The following PDE1C variants were observed in gnomAD, a reference collection of about 807,000 sequenced individuals.
PDE1C encodes the protein dual specificity calcium/calmodulin-dependent 3',5'-cyclic nucleotide phosphodiesterase 1C.
Under a neutral mutation model 93.1 loss-of-function variants are expected in PDE1C, and 62 were observed. The observed-to-expected ratio is 0.67, with a 90% CI of 0.54 to 0.82. The LOEUF (loss-of-function observed/expected upper bound fraction) is 0.82. PDE1C is among the 40% of genes least tolerant of loss of function. The pLI, the probability that PDE1C is intolerant of heterozygous loss-of-function variation, is 0.00. For missense variants in PDE1C, 742 were observed against 884.6 expected (o/e 0.84, Z 2.04); for synonymous variants, 325 against 310.1 (o/e 1.05, Z -0.50).
chr7:31,926,778 A>G lies in PDE1C; in HGVS notation c.129-45918T>C, dbSNP rs531192320. ...CCAGCCCAGATGCTATGCTTTTCCC[A>G]TGGCTTTTGCAACGGCAGACCAGGA... On this transcript the variant is annotated intron_variant, in intron 2 of 17. Coordinates refer to ENST00000396191, the MANE Select transcript of PDE1C (RefSeq NM_001191057.4). Among the ~76,000 whole-genome samples the G allele has an allele frequency of 2.6e-5, 4 of 152,226 alleles. No individual in the cohort carries two copies. The South Asian group carries it at 8.3e-4, about 32-fold the overall frequency.
intron 2 of PDE1C, among the ~76,000 whole-genome samples, chr7:31,886,850 T>TA (rs1797977036): frequency 1.3e-5 from 2 of 151,918 alleles, no homozygotes; most frequent in Admixed American, 6.5e-5. Flanking sequence ...TTTTCGGATC[T>TA]TTTCAGAATA....
intron 2 of PDE1C, among the ~76,000 whole-genome samples, chr7:32,028,229 C>A (rs1789757227): frequency 6.6e-6 from 1 of 152,154 alleles, no homozygotes; most frequent in Admixed American, 6.6e-5. Context: ...TCCAAGGGCT[C>A]AAGAGCCACA....
intron 3 of PDE1C, among the ~76,000 whole-genome samples, chr7:32,131,034 C>T (rs11763324): frequency 0.19 from 28,933 of 151,984 alleles, 3,337 homozygotes; most frequent in South Asian, 0.26. Flanking sequence ...CTATGTGAAT[C>T]GAGACTGACA....
intron 16 of PDE1C, among the ~76,000 whole-genome samples, chr7:31,794,089 C>CAGACAGATAGATAGATAGATAGATAGAT (rs1562808129): frequency 7.3e-6 from 1 of 136,078 alleles, no homozygotes; most frequent in African/African-American, 3.0e-5. Context: ...GACAGACAGA[C>CAGACAGATAGATAGATAGATAGATAGAT]AGATAGATAG....
At chr7:32,103,230 G>A (rs1277933911) in intron 3 of PDE1C, among the ~76,000 whole-genome samples, 1 of 152,148 alleles carries the variant, frequency 6.6e-6, no homozygotes, top group Non-Finnish European at 1.5e-5. Flanking sequence ...AAAGGGAGGG[G>A]AGAAGGTAAA....
rs1289015965 is a variant in PDE1C, at chr7:32,313,331, G to A, written c.311-103792C>T. ...GGACTGTAAACTAGTTCAACCATGT[G>A]GAAGTCAGTGTGGCAATTCCTCAGG... On this transcript the variant is annotated intron_variant, in intron 1 of 1. Coordinates refer to the PDE1C transcript ENST00000672256. Among the ~76,000 whole-genome samples, 3 of 150,282 alleles carry A rather than the reference G, an allele frequency of 2.0e-5. No individual in the cohort carries two copies. In the East Asian group the frequency reaches 6.0e-4, roughly 30 times the overall value.
intron 3 of PDE1C, among the ~76,000 whole-genome samples, chr7:32,120,655 T>C (rs962156532): frequency 6.6e-6 from 1 of 151,710 alleles, no homozygotes; most frequent in Non-Finnish European, 1.5e-5. Flanking sequence ...AACCTGACCA[T>C]TGAAAGAAAA....
At chr7:31,685,548 A>G in the PDE1C span, among the ~76,000 whole-genome samples, 2 of 152,188 alleles carry the variant, frequency 1.3e-5, no homozygotes, top group Non-Finnish European at 1.5e-5. Context: ...GTGTGGACTG[A>G]AGATGCTGCT....
the PDE1C span, among the ~76,000 whole-genome samples, chr7:31,674,979 C>T: frequency 6.6e-6 from 1 of 152,200 alleles, no homozygotes; most frequent in Admixed American, 6.5e-5. Context: ...TTTAGGTATA[C>T]TCACATGGGA....
At chr7:32,298,473 C>G (rs991241954) in intron 1 of PDE1C, among the ~76,000 whole-genome samples, 10 of 152,132 alleles carry the variant, frequency 6.6e-5, no homozygotes, top group African/African-American at 2.4e-4. Context: ...GGGGACAGCC[C>G]AGGGTGCGGC....
intron 3 of PDE1C, among the ~76,000 whole-genome samples, chr7:32,147,297 A>AAAGAAAGAAAGAAAGAAAGAAAG (rs2128786361): frequency 7.2e-6 from 1 of 138,638 alleles, no homozygotes; most frequent in Admixed American, 7.1e-5. Flanking sequence ...AGAAAGAAAG[A>AAAGAAAGAAAGAAAGAAAGAAAG]AAGAAAGAAA....
chr7:31,841,492 T>C (rs1345639512), intron 9 of PDE1C, among the ~76,000 whole-genome samples: 1 of 152,130 alleles, frequency 6.6e-6, no homozygotes, highest in African/African-American at 2.4e-5. Flanking sequence ...AGCTTGATGT[T>C]AGTTATAGGT....
chr7:31,804,400 G>A (rs1446381454), intron 16 of PDE1C, among the ~76,000 whole-genome samples: 3 of 151,782 alleles, frequency 2.0e-5, no homozygotes, highest in Non-Finnish European at 4.4e-5. Flanking sequence ...CCTCTTGGAT[G>A]GTTCTGTTCT....
At chr7:31,961,621 T>C (rs1281682115) in intron 2 of PDE1C, among the ~76,000 whole-genome samples, 1 of 152,146 alleles carries the variant, frequency 6.6e-6, no homozygotes, top group African/African-American at 2.4e-5. Context: ...GCCTGCCCAG[T>C]TGCCTGTCTA....
In PDE1C at chr7:32,268,211, C is replaced by T. The variant is rs146803204; in HGVS notation, c.85+30440G>A. 3.3e-5 allele frequency among the ~76,000 whole-genome samples: 5 copies of T among 152,296 alleles called. No homozygotes were observed. In the East Asian group the frequency reaches 7.7e-4, roughly 23 times the overall value. On this transcript the variant is annotated intron_variant, in intron 1 of 18. Coordinates refer to the PDE1C transcript ENST00000396193. ...CTTGAAGTTTCTGAATGGTTCATTGCTGCATTTTCCAAAAGGCTCAAGAAG... is the reference window on the plus strand; with the variant it reads ...CTTGAAGTTTCTGAATGGTTCATTGTTGCATTTTCCAAAAGGCTCAAGAAG...
intron 1 of PDE1C, among the ~76,000 whole-genome samples, chr7:32,356,259 G>T (rs1784027186): frequency 6.6e-6 from 1 of 152,164 alleles, no homozygotes; most frequent in Non-Finnish European, 1.5e-5. Context: ...TAGGAAACTG[G>T]TTCACTGGCA....
chr7:32,367,520 C>A (rs1017948683), intron 1 of PDE1C, among the ~76,000 whole-genome samples: 4 of 152,140 alleles, frequency 2.6e-5, no homozygotes, highest in Admixed American at 6.5e-5. Flanking sequence ...AAGAAACTCA[C>A]CTCACCTGTA....
chr7:31,693,006 C>A, the PDE1C span, among the ~76,000 whole-genome samples: 1 of 151,380 alleles, frequency 6.6e-6, no homozygotes, highest in Non-Finnish European at 1.5e-5. Context: ...TTTTGCATAA[C>A]CTTTGTAATG....
the PDE1C span, among the ~76,000 whole-genome samples, chr7:31,713,822 A>T: frequency 1.3e-5 from 2 of 152,118 alleles, no homozygotes; most frequent in African/African-American, 4.8e-5. Flanking sequence ...GCCCTTTTTA[A>T]TCATGGCTGG....
Sources: allele counts gnomAD v4.1 joint callset (sites outside exome capture counted in the v4.1 genomes callset), GRCh38; gene constraint gnomAD v4.1.1; transcripts MANE v1.5; gene names NCBI Gene and HGNC (gene_info 2026-07-23, HGNC 2026-07-21).